The following NSG1 variants were observed in gnomAD, a reference collection of about 807,000 sequenced individuals.
NSG1 encodes the protein neuronal vesicle trafficking-associated protein 1.
NSG1 carries 9 observed loss-of-function variants against 19.3 expected under a neutral mutation model. That is an observed-to-expected ratio of 0.47 (90% CI 0.28 to 0.81). The LOEUF (loss-of-function observed/expected upper bound fraction) is 0.81. NSG1 is among the 40% of genes least tolerant of loss of function. The pLI, the probability that NSG1 is intolerant of heterozygous loss-of-function variation, is 0.11. For synonymous variants in NSG1, 104 were observed against 107.0 expected (o/e 0.97, Z 0.17); for missense variants, 236 against 242.4 (o/e 0.97, Z 0.18).
chr4:4,400,505 CAG>C (rs1435047302), intron 3 of NSG1, among the ~76,000 whole-genome samples: 1 of 152,204 alleles, frequency 6.6e-6, no homozygotes, highest in African/African-American at 2.4e-5. Context: ...GGGTTGCTGA[CAG>C]AGATGGTTTT....
At chr4:4,396,884 T>C (rs1341078245) in intron 3 of NSG1, among the ~76,000 whole-genome samples, 1 of 152,216 alleles carries the variant, frequency 6.6e-6, no homozygotes, top group South Asian at 2.1e-4. Flanking sequence ...GGGGGTGGTA[T>C]TGGAGACCCT....
chr4:4,398,197 C>A (rs1466218279), intron 3 of NSG1, among the ~76,000 whole-genome samples: 3 of 152,214 alleles, frequency 2.0e-5, no homozygotes, highest in Admixed American at 6.5e-5. Flanking sequence ...TCGTGATCCA[C>A]CTGCCTCGGC....
chr4:4,393,516 A>C (rs907711881), intron 3 of NSG1, among the ~76,000 whole-genome samples: 35 of 152,218 alleles, frequency 2.3e-4, no homozygotes, highest in African/African-American at 8.2e-4. Context: ...GGCTGCTGGC[A>C]GCAGAAGCCC....
At chr4:4,391,434 C>A in intron 2 of NSG1, 41 bp from the exon 3 acceptor site, 1 of 1,389,156 alleles carries the variant, frequency 7.2e-7, no homozygotes, top group South Asian at 1.2e-5. Context: ...GCAGATATGT[C>A]TGAATGCATC....
intron 3 of NSG1, among the ~76,000 whole-genome samples, chr4:4,397,442 C>A (rs1294770513): frequency 1.3e-5 from 2 of 152,224 alleles, no homozygotes; most frequent in African/African-American, 2.4e-5. Flanking sequence ...CACCAAATCC[C>A]ACTGTGCTCC....
upstream of NSG1, chr4:4,386,899 G>A (rs1722742508): frequency 6.6e-6 from 1 of 152,036 alleles, no homozygotes; most frequent in African/African-American, 2.4e-5. Context: ...TCCCAGGGGA[G>A]GCTCCCGCCC....
intron 3 of NSG1, among the ~76,000 whole-genome samples, chr4:4,396,216 G>A (rs1225090593): frequency 2.6e-5 from 4 of 152,192 alleles, no homozygotes; most frequent in South Asian, 2.1e-4. Flanking sequence ...GCAGAGTGGC[G>A]GGTCGGGGCT....
upstream of NSG1, chr4:4,386,958 G>A (rs1015920718): frequency 2.6e-5 from 4 of 152,092 alleles, no homozygotes; most frequent in African/African-American, 9.7e-5. Flanking sequence ...TCAAGGTGGA[G>A]GCGCGGCCAC....
intron 3 of NSG1, among the ~76,000 whole-genome samples, chr4:4,407,538 T>G (rs1486091876): frequency 6.6e-6 from 1 of 152,080 alleles, no homozygotes. Flanking sequence ...GGCAGCACAA[T>G]GGACAGGAAT....
At chr4:4,387,449 G>C (rs1560136945) in intron 1 of NSG1, among the ~76,000 whole-genome samples, 155 bp from the exon 2 acceptor site, 1 of 152,146 alleles carries the variant, frequency 6.6e-6, no homozygotes, top group Non-Finnish European at 1.5e-5. Flanking sequence ...CCCGCATCGG[G>C]CCGTGACCAC....
intron 2 of NSG1, among the ~76,000 whole-genome samples, chr4:4,388,969 T>A (rs1722869434): frequency 6.6e-6 from 1 of 152,220 alleles, no homozygotes; most frequent in African/African-American, 2.4e-5. Context: ...GGGGCAGGGC[T>A]GCCTGAGGCC....
At chr4:4,405,963 C>G (rs1227285829) in intron 3 of NSG1, among the ~76,000 whole-genome samples, 2 of 152,178 alleles carry the variant, frequency 1.3e-5, no homozygotes, top group Non-Finnish European at 2.9e-5. Context: ...TACCAGGAGC[C>G]AAACTGATGT....
intron 3 of NSG1, among the ~76,000 whole-genome samples, chr4:4,394,648 A>T (rs1000457234): frequency 1.3e-5 from 2 of 152,184 alleles, no homozygotes; most frequent in Non-Finnish European, 2.9e-5. Flanking sequence ...GTGCAGACGG[A>T]ACTTACTCAT....
chr4:4,395,192 C>T (rs1723191049), intron 3 of NSG1, among the ~76,000 whole-genome samples: 1 of 152,252 alleles, frequency 6.6e-6, no homozygotes, highest in African/African-American at 2.4e-5. Flanking sequence ...ATGTGAGAGG[C>T]AGCCTCCAAA....
Position 4,409,667 on chromosome 4 carries a change from A to G in NSG1, c.341A>G (p.Asp114Gly), listed in dbSNP as rs1724064293. The change falls in exon 4 of 5, where the codon GAT becomes GGT. Residue 114 changes from aspartate (D) to glycine (G), a missense_variant. By Grantham distance (94) the Asp-to-Gly change is moderately conservative. Coordinates refer to ENST00000621129, the MANE Select transcript of NSG1 (RefSeq NM_014392.5). Reference protein sequence around the residue: ...KVYKYDRACPDGFVLKNTQCI... With the variant: ...KVYKYDRACPGGFVLKNTQCI... ...TACAAGTATGACCGCGCCTGCCCCG[A>G]TGGGTTCGTCCTCAAGGTAAAACTC... is the stretch of plus-strand genomic sequence containing the variant. The G allele has an allele frequency of 1.2e-6, 2 of 1,613,768 alleles. No individual in the cohort carries two copies. Among genetic ancestry groups the G allele is most frequent in the South Asian group, 1.1e-5 (1 of 91,076 alleles).
At chr4:4,416,084 A>T in intron 4 of NSG1, 1 of 702,132 alleles carries the variant, frequency 1.4e-6, no homozygotes, top group East Asian at 2.7e-5. Flanking sequence ...TGGCTTCTTT[A>T]CTTGAGCCAC....
chr4:4,387,758 G>A lies in NSG1; in HGVS notation c.129G>A (p.Lys43=). 1 of 1,605,232 alleles carries A rather than the reference G, an allele frequency of 6.2e-7. No homozygotes were observed. Among genetic ancestry groups the A allele is most frequent in the Non-Finnish European group, 8.5e-7 (1 of 1,172,602 alleles). Residue 43 remains lysine, a splice_region_variant and synonymous_variant, in exon 2 of 5, where the codon AAG becomes AAA. Coordinates refer to ENST00000621129, the MANE Select transcript of NSG1 (RefSeq NM_014392.5). ...VNQLQFPPPD[K]VVVKTKTEYE... is the part of the protein sequence containing the mutation. ...AGCTGCAGTTCCCGCCCCCGGATAA[G>A]GTAAGCCCCCCCACGCCCCTCCACG...
At chr4:4,407,148 G>A (rs1014454477) in intron 3 of NSG1, among the ~76,000 whole-genome samples, 1 of 152,190 alleles carries the variant, frequency 6.6e-6, no homozygotes, top group Non-Finnish European at 1.5e-5. Context: ...CATCCCAGTG[G>A]ACTGGAGTTT....
At chr4:4,402,371 A>ATTGTTTTTT (rs1723598298) in intron 3 of NSG1, among the ~76,000 whole-genome samples, 1 of 53,912 alleles carries the variant, frequency 1.9e-5, no homozygotes, top group African/African-American at 6.1e-5. Flanking sequence ...ACGCCTGGTT[A>ATTGTTTTTT]TTTTTTTTTT....
Sources: gnomAD v4.1 joint callset for allele counts (sites outside exome capture counted in the v4.1 genomes callset) on GRCh38, gnomAD v4.1.1 for gene constraint, MANE v1.5 for transcripts, NCBI Gene and HGNC (gene_info 2026-07-23, HGNC 2026-07-21) for gene names.